Variants in MALRD1 observed in about 807,000 individuals in gnomAD.
MALRD1 encodes the protein MAM and LDL-receptor class A domain-containing protein 1.
Under a neutral mutation model 242.1 loss-of-function variants are expected in MALRD1, and 247 were observed. The observed-to-expected ratio is 1.02, with a 90% CI of 0.92 to 1.13. MALRD1 has a LOEUF of 1.13. MALRD1 is among the 50% of genes most tolerant of loss of function. MALRD1 has a pLI of 0.00. For synonymous variants in MALRD1, 995 were observed against 866.6 expected (o/e 1.15, Z -2.60); for missense variants, 2,989 against 2,533.1 (o/e 1.18, Z -3.86).
intron 29 of MALRD1, among the ~76,000 whole-genome samples, chr10:19,468,371 G>C (rs1340276494): frequency 6.6e-6 from 1 of 151,878 alleles, no homozygotes; most frequent in Non-Finnish European, 1.5e-5. Flanking sequence ...GTTAAAATTT[G>C]TTAGTTGAAT....
chr10:19,325,169 A>C (rs1279457483), intron 22 of MALRD1, among the ~76,000 whole-genome samples: 1 of 151,746 alleles, frequency 6.6e-6, no homozygotes, highest in Non-Finnish European at 1.5e-5. Context: ...TTTTATATCA[A>C]TGTGGACTCA....
rs1837034892 is a variant in MALRD1, at chr10:19,482,450, T to G, written c.5030-9067T>G. On this transcript the variant is annotated intron_variant, in intron 29 of 39. Transcript: ENST00000454679. ...AGAGCAATGAGGGAAGAGAAAGAAA[T>G]AAAAGGCATCCAAATAGGGTAAGAA... 2.6e-5 allele frequency among the ~76,000 whole-genome samples: 4 copies of G among 151,960 alleles called. No individual in the cohort carries two copies. In the South Asian group the frequency reaches 8.3e-4, roughly 32 times the overall value.
intron 36 of MALRD1, among the ~76,000 whole-genome samples, chr10:19,670,245 C>T (rs1489909518): frequency 6.6e-6 from 1 of 152,130 alleles, no homozygotes; most frequent in Non-Finnish European, 1.5e-5. Flanking sequence ...TCCCACTCCA[C>T]ATTTCTGCGA....
At position 19,447,709 on chromosome 10, in the gene MALRD1, A is replaced by G. The variant is rs566994957; in HGVS notation, c.4846-2598A>G. Among the ~76,000 whole-genome samples the G allele has an allele frequency of 2.6e-5, 4 of 151,702 alleles. No individual in the cohort carries two copies. In the South Asian group the frequency reaches 8.4e-4, roughly 32 times the overall value. On this transcript the variant is annotated intron_variant, in intron 28 of 39. Coordinates refer to ENST00000454679, the MANE Select transcript of MALRD1 (RefSeq NM_001142308.3). Reference sequence around the variant, plus strand: ...TCAAGACAGGCTTTTGTCAATATCCAGCCTGTAATATTGCTAGGAGTCAGA... The same window carrying G: ...TCAAGACAGGCTTTTGTCAATATCCGGCCTGTAATATTGCTAGGAGTCAGA...
intron 11 of MALRD1, among the ~76,000 whole-genome samples, chr10:19,148,788 A>AAATATATAT (rs1206724666): frequency 2.4e-4 from 21 of 88,044 alleles, no homozygotes; most frequent in South Asian, 7.2e-4. Context: ...AAAAAAAAAA[A>AAATATATAT]ATATATATAT....
chr10:19,307,923 ATAT>A (rs1226465694), intron 21 of MALRD1, among the ~76,000 whole-genome samples: 1 of 151,506 alleles, frequency 6.6e-6, no homozygotes, highest in Non-Finnish European at 1.5e-5. Flanking sequence ...GTAGGTGTAT[ATAT>A]TTATGAGTTA....
chr10:19,576,642 C>A (rs981302482), intron 33 of MALRD1, among the ~76,000 whole-genome samples: 1 of 152,132 alleles, frequency 6.6e-6, no homozygotes, highest in Non-Finnish European at 1.5e-5. Context: ...AAAATGATCC[C>A]ATCAAACAGG....
At chr10:19,415,385 A>G (rs1337245375) in intron 28 of MALRD1, among the ~76,000 whole-genome samples, 1 of 152,194 alleles carries the variant, frequency 6.6e-6, no homozygotes, top group Non-Finnish European at 1.5e-5. Flanking sequence ...GTGAATTATT[A>G]GACAAAATCA....
At chr10:19,656,848 A>C (rs865912971) in intron 36 of MALRD1, among the ~76,000 whole-genome samples, 2 of 152,138 alleles carry the variant, frequency 1.3e-5, no homozygotes, top group Non-Finnish European at 2.9e-5. Flanking sequence ...TGACACACAC[A>C]GTGTCATTTG....
chr10:19,290,506 G>T (rs1179597753), intron 21 of MALRD1: 1 of 152,142 alleles, frequency 6.6e-6, no homozygotes, highest in Admixed American at 6.5e-5. Context: ...ATCATTCAAT[G>T]ACAATATCAT....
At chr10:19,306,748 T>C (rs1468260447) in intron 21 of MALRD1, among the ~76,000 whole-genome samples, 1 of 151,324 alleles carries the variant, frequency 6.6e-6, no homozygotes, top group Non-Finnish European at 1.5e-5. Context: ...TCAGGAAACT[T>C]ACAATCATGG....
chr10:19,604,121 C>G (rs1838496709), intron 34 of MALRD1, among the ~76,000 whole-genome samples: 1 of 152,168 alleles, frequency 6.6e-6, no homozygotes, highest in Non-Finnish European at 1.5e-5. Flanking sequence ...AGCTGGGCCT[C>G]TTGCTCCAAA....
chr10:19,386,393 T>C (rs1846073264), intron 26 of MALRD1, among the ~76,000 whole-genome samples: 2 of 138,452 alleles, frequency 1.4e-5, no homozygotes. Flanking sequence ...TCAGCTCCTC[T>C]ACCTGGAAGA....
intron 19 of MALRD1, among the ~76,000 whole-genome samples, chr10:19,267,494 A>G (rs529028480): frequency 6.6e-6 from 1 of 152,068 alleles, no homozygotes; most frequent in Admixed American, 6.5e-5. Context: ...CGTTAGCCTC[A>G]GTGTCTCACC....
At chr10:19,355,442 A>T (rs1446247772) in intron 26 of MALRD1, among the ~76,000 whole-genome samples, 1 of 151,652 alleles carries the variant, frequency 6.6e-6, no homozygotes, top group Non-Finnish European at 1.5e-5. Context: ...CATTAAAATA[A>T]AAAAGAGTAT....
At chr10:19,581,542 C>T (rs1233921929) in intron 33 of MALRD1, among the ~76,000 whole-genome samples, 10 of 150,936 alleles carry the variant, frequency 6.6e-5, no homozygotes, top group African/African-American at 2.4e-4. Flanking sequence ...CTACAAAGGA[C>T]ATGAACTCAT....
intron 36 of MALRD1, among the ~76,000 whole-genome samples, chr10:19,667,500 C>A (rs2131748420): frequency 6.6e-6 from 1 of 152,144 alleles, no homozygotes; most frequent in East Asian, 1.9e-4. Flanking sequence ...GTGTTTGGGT[C>A]ATGGGGACAG....
At chr10:19,128,817 TA>T (rs1837362805) in intron 8 of MALRD1, among the ~76,000 whole-genome samples, 1 of 152,082 alleles carries the variant, frequency 6.6e-6, no homozygotes, top group African/African-American at 2.4e-5. Flanking sequence ...AATTATTGAT[TA>T]AATATTGAAC....
chr10:19,537,352 T>G (rs1834732494), intron 32 of MALRD1, among the ~76,000 whole-genome samples: 1 of 152,214 alleles, frequency 6.6e-6, no homozygotes, highest in Admixed American at 6.5e-5. Context: ...TACCATTGAC[T>G]GCATGACTTA....
Sources: allele counts gnomAD v4.1 joint callset (sites outside exome capture counted in the v4.1 genomes callset), GRCh38; gene constraint gnomAD v4.1.1; transcripts MANE v1.5; gene names NCBI Gene and HGNC (gene_info 2026-07-23, HGNC 2026-07-21).